SDK1: variants seen among roughly 807,000 people sequenced by gnomAD.
SDK1 encodes sidekick cell adhesion molecule 1, also known as protein sidekick-1.
A neutral mutation model predicts 245.5 loss-of-function variants in SDK1; 157 were observed. The observed-to-expected ratio is 0.64, with a 90% CI of 0.56 to 0.73. The LOEUF is 0.73. Among genes scored for constraint, SDK1 ranks in the 30% least tolerant of loss-of-function variants. SDK1 has a pLI of 0.00. For synonymous variants in SDK1, 1,647 were observed against 1,278.5 expected, an observed-to-expected ratio of 1.29 and a Z score of -6.15; for missense variants, 3,583 against 3,002.3, an observed-to-expected ratio of 1.19 and a Z score of -4.52.
chr7:4,092,955 C>T (rs1374838208), intron 22 of SDK1, among the ~76,000 whole-genome samples: 2 of 152,180 alleles, frequency 1.3e-5, no homozygotes, highest in Non-Finnish European at 2.9e-5. Context: ...ATCTTCTTTG[C>T]AGAAAAGTTT....
intron 4 of SDK1, among the ~76,000 whole-genome samples, chr7:3,754,241 A>T (rs1049086766): frequency 7.9e-5 from 12 of 152,298 alleles, no homozygotes; most frequent in Non-Finnish European, 1.2e-4. Flanking sequence ...TTATTAAGTT[A>T]TAATTGAATA....
intron 5 of SDK1, among the ~76,000 whole-genome samples, chr7:3,892,125 T>G (rs1190175295): frequency 6.6e-6 from 1 of 152,214 alleles, no homozygotes; most frequent in Non-Finnish European, 1.5e-5. Context: ...CTTTCCAGCT[T>G]GCCATCACCT....
At chr7:3,663,424 G>A (rs1484477728) in intron 4 of SDK1, among the ~76,000 whole-genome samples, 2 of 152,150 alleles carry the variant, frequency 1.3e-5, no homozygotes, top group African/African-American at 4.8e-5. Flanking sequence ...TCATGCTTGC[G>A]ATGTATCTTC....
At chr7:3,615,790 C>A (rs1223288015) in intron 1 of SDK1, among the ~76,000 whole-genome samples, 1 of 151,600 alleles carries the variant, frequency 6.6e-6, no homozygotes, top group Non-Finnish European at 1.5e-5. Context: ...TCCCACTATT[C>A]CACGCCCTCT....
At chr7:3,715,258 G>A (rs1388461073) in intron 4 of SDK1, among the ~76,000 whole-genome samples, 1 of 151,882 alleles carries the variant, frequency 6.6e-6, no homozygotes, top group East Asian at 1.9e-4. Flanking sequence ...TTTTGCAGAT[G>A]AGCTGCAGAC....
intron 4 of SDK1, among the ~76,000 whole-genome samples, chr7:3,756,110 T>C (rs1027826622): frequency 3.3e-5 from 5 of 151,074 alleles, no homozygotes; most frequent in African/African-American, 1.2e-4. Flanking sequence ...ATGCATATCA[T>C]TGATGTTTTG....
At chr7:3,619,284 G>A (rs774309899) in intron 2 of SDK1, 45 bp downstream of exon 2, 2 of 1,547,686 alleles carry the variant, frequency 1.3e-6, no homozygotes, top group South Asian at 1.1e-5. Flanking sequence ...CAGTTGATGT[G>A]TTTGGAATAC....
intron 1 of SDK1, among the ~76,000 whole-genome samples, chr7:3,497,369 T>A (rs1478956036): frequency 6.6e-6 from 1 of 152,222 alleles, no homozygotes; most frequent in Non-Finnish European, 1.5e-5. Context: ...TGTACTCTTC[T>A]TTACCTTTTA....
At chr7:4,206,869 GA>G (rs1242061306) in intron 36 of SDK1, among the ~76,000 whole-genome samples, 1 of 152,196 alleles carries the variant, frequency 6.6e-6, no homozygotes, top group African/African-American at 2.4e-5. Context: ...TCCATTTAAA[GA>G]TGGTTTTTGC....
chr7:4,032,840 G>A (rs902066070), intron 17 of SDK1, among the ~76,000 whole-genome samples: 6 of 152,156 alleles, frequency 3.9e-5, no homozygotes, highest in East Asian at 1.9e-4. Context: ...GTAAACAAAC[G>A]GACCGTGTTT....
intron 1 of SDK1, among the ~76,000 whole-genome samples, chr7:3,365,931 T>G (rs940176147): frequency 1.3e-5 from 2 of 151,968 alleles, no homozygotes; most frequent in African/African-American, 2.4e-5. Flanking sequence ...CCCAGCCACT[T>G]GGGAGGCTGA....
intron 5 of SDK1, among the ~76,000 whole-genome samples, chr7:3,887,052 A>G (rs998929296): frequency 1.3e-5 from 2 of 152,140 alleles, no homozygotes; most frequent in Non-Finnish European, 2.9e-5. Flanking sequence ...ACTTGGAGTA[A>G]TTGATGGGCT....
chr7:3,793,006 A>C (rs1394162521), intron 4 of SDK1, among the ~76,000 whole-genome samples: 1 of 152,222 alleles, frequency 6.6e-6, no homozygotes, highest in Non-Finnish European at 1.5e-5. Context: ...GATTCATTTC[A>C]CAATGATACT....
intron 41 of SDK1, among the ~76,000 whole-genome samples, chr7:4,234,215 G>T (rs747214290): frequency 6.6e-6 from 1 of 152,202 alleles, no homozygotes; most frequent in East Asian, 1.9e-4. Context: ...TGAGGATGGC[G>T]TGCAGGTGAA....
At chr7:3,409,185 A>C (rs1032416897) in intron 1 of SDK1, among the ~76,000 whole-genome samples, 1 of 152,146 alleles carries the variant, frequency 6.6e-6, no homozygotes, top group East Asian at 1.9e-4. Context: ...TTGTTATTCA[A>C]TTTCATGTTG....
intron 5 of SDK1, among the ~76,000 whole-genome samples, chr7:3,896,180 A>G (rs564253548): frequency 6.6e-6 from 1 of 152,244 alleles, no homozygotes; most frequent in East Asian, 1.9e-4. Flanking sequence ...ATGTTTATAT[A>G]TTTACTCACA....
intron 5 of SDK1, among the ~76,000 whole-genome samples, chr7:3,923,874 T>G (rs546289756): frequency 6.6e-6 from 1 of 152,314 alleles, no homozygotes; most frequent in East Asian, 1.9e-4. Flanking sequence ...CCAGGTGGAC[T>G]TGTCTTTTGC....
chr7:3,379,578 C>T (rs1378089632), intron 1 of SDK1, among the ~76,000 whole-genome samples: 2 of 152,106 alleles, frequency 1.3e-5, no homozygotes, highest in Non-Finnish European at 2.9e-5. Flanking sequence ...TGCTGTGGTT[C>T]ATTTTCATTC....
Position 3,628,452 on chromosome 7 carries a change from G to A in SDK1, c.458+9213G>A, listed in dbSNP as rs552341488. Among the ~76,000 whole-genome samples the A allele has an allele frequency of 1.5e-3, 233 of 152,252 alleles. 1 individual carries two copies. The highest frequency in any genetic ancestry group is 5.3e-3 in the African/African-American group (222 of 41,530). On this transcript the variant is annotated intron_variant, in intron 2 of 44. Coordinates refer to ENST00000404826, the MANE Select transcript of SDK1 (RefSeq NM_152744.4). The stretch of plus-strand genomic sequence containing the variant: ...GTTTGTCCTAAGGACATCAGTGTAT[G>A]TAGTTCCCTTCTGCAGAAGGCATGA...
Sources: gnomAD v4.1 joint callset for allele counts (sites outside exome capture counted in the v4.1 genomes callset) on GRCh38, gnomAD v4.1.1 for gene constraint, MANE v1.5 for transcripts, NCBI Gene and HGNC (gene_info 2026-07-23, HGNC 2026-07-21) for gene names.